The following ID1 variants were observed in gnomAD, a reference collection of about 807,000 sequenced individuals.
ID1 encodes the protein inhibitor of DNA binding 1.
A neutral mutation model predicts 11.3 loss-of-function variants in ID1; 8 were observed. That is an observed-to-expected ratio of 0.71 (90% CI 0.42 to 1.28). ID1 has a LOEUF of 1.28. Among genes scored for constraint, ID1 ranks in the 50% most tolerant of loss-of-function variants. The pLI is 0.01. For missense variants in ID1, 347 were observed against 219.8 expected, an observed-to-expected ratio of 1.58 and a Z score of -3.66; for synonymous variants, 176 against 100.2, an observed-to-expected ratio of 1.76 and a Z score of -4.52.
rs1986108804 is a variant in ID1 at position 31,606,282 on chromosome 20, T to A, written c.*188T>A. ...GGCACTGGCGAGGAGAGGGCGCTCC[T>A]CTCTGCACACCTACTAGTCACCAGA... On this transcript the variant is annotated 3_prime_UTR_variant, in exon 2 of 2. Transcript: ENST00000376112. The A allele has an allele frequency of 3.2e-6, 2 of 629,466 alleles. No homozygotes were observed. The highest frequency in any genetic ancestry group is 5.8e-6 in the Non-Finnish European group (2 of 346,744). 39.0% of individuals were successfully genotyped at this position (629,466 alleles called of 1,614,324 possible).
chr20:31,606,318 G>A lies in ID1; in HGVS notation c.*224G>A, dbSNP rs1600702207. ...CTACTAGTCACCAGAGACTTTAGGG[G>A]GTGGGATTCCACTCGTGTGTTTCTA... is the stretch of plus-strand genomic sequence containing the variant. On this transcript the variant is annotated 3_prime_UTR_variant, in exon 2 of 2. Transcript: ENST00000376112. 1 of 577,902 alleles carries A rather than the reference G, an allele frequency of 1.7e-6. No homozygotes were observed. Among genetic ancestry groups the A allele is most frequent in the Non-Finnish European group, 3.1e-6 (1 of 317,556 alleles). 35.8% of individuals were successfully genotyped at this position (577,902 alleles called of 1,614,324 possible). A position where few individuals can be genotyped will look rare whatever the true frequency, so the allele number is the denominator to read the frequency against.
At position 31,606,361 on chromosome 20, in the gene ID1, A is replaced by T. The variant is rs917719003; in HGVS notation, c.*267A>T. 12 of 549,548 alleles carry T rather than the reference A, an allele frequency of 2.2e-5. No homozygotes were observed. The highest frequency in any genetic ancestry group is 1.3e-5 in the Non-Finnish European group (4 of 302,274). The allele number at this position is 549,548 out of a possible 1,614,324, so 34.0% of individuals were successfully genotyped here. A position where few individuals can be genotyped will look rare whatever the true frequency, so the allele number is the denominator to read the frequency against. On this transcript the variant is annotated 3_prime_UTR_variant, in exon 2 of 2. Transcript: ENST00000376112. ...TGTTTCTATTTTTTGAAAAGCAGAC[A>T]TTTTAAAAAATGGTCACGTTTGGTG... is the stretch of plus-strand genomic sequence containing the variant.
In ID1 at chr20:31,606,093, G is replaced by A. The variant is rs1368708205; in HGVS notation, c.467G>A (p.Ter156=). ...GCGGACGATCGCATCTTGTGTCGCTGAAGCGCCTCCCCCAGGGACCGGCGG... is the reference window on the plus strand; with the variant it reads ...GCGGACGATCGCATCTTGTGTCGCTAAAGCGCCTCCCCCAGGGACCGGCGG... ...VPADDRILCR[*] is the part of the protein sequence containing the mutation. The change falls in exon 2 of 2, where the codon TGA becomes TAA. Residue 156 remains the stop codon, a stop_retained_variant. Transcript: ENST00000376112. 1 of 1,608,722 alleles carries A rather than the reference G, an allele frequency of 6.2e-7. No individual in the cohort carries two copies. Among genetic ancestry groups the A allele is most frequent in the Admixed American group, 1.7e-5 (1 of 60,026 alleles).
At chr20:31,605,943 A>G in intron 1 of ID1, 110 bp from the exon 2 acceptor site, 1 of 1,595,624 alleles carries the variant, frequency 6.3e-7, no homozygotes, top group Non-Finnish European at 8.5e-7. Context: ...GTGCCTAAGG[A>G]GCCTGGAAAA....
In ID1 at chr20:31,606,316, G is replaced by A; in HGVS notation, c.*222G>A. On this transcript the variant is annotated 3_prime_UTR_variant, in exon 2 of 2. Transcript: ENST00000376112. ...ACCTACTAGTCACCAGAGACTTTAG[G>A]GGGTGGGATTCCACTCGTGTGTTTC... 1.7e-6 allele frequency: 1 copy of A among 582,366 alleles called. No homozygotes were observed. Among genetic ancestry groups the A allele is most frequent in the Non-Finnish European group, 3.1e-6 (1 of 319,868 alleles). 36.1% of individuals were successfully genotyped at this position (582,366 alleles called of 1,614,324 possible). A position where few individuals can be genotyped will look rare whatever the true frequency, so the allele number is the denominator to read the frequency against.
rs1470870764 is a variant in ID1 at position 31,605,799 on chromosome 20, GC to G, written c.415del (p.Leu139Ter). 1.9e-6 allele frequency: 3 copies of G among 1,611,132 alleles called. No individual in the cohort carries two copies. In the East Asian group the frequency reaches 6.7e-5, roughly 36 times the overall value. ...PLSTLNGEIS[A>X]LTAEAACVPA... ...CAGCACCCTCAACGGCGAGATCAGCGCCCTGACGGCCGAGGTGAGATCCAGA... is the reference window on the plus strand; with the variant it reads ...CAGCACCCTCAACGGCGAGATCAGCGCCTGACGGCCGAGGTGAGATCCAGA... On this transcript the variant is annotated frameshift_variant, in exon 1 of 2. Transcript: ENST00000376112. LOFTEE classifies it high-confidence loss of function.
At chr20:31,605,961 C>G in intron 1 of ID1, 92 bp from the exon 2 acceptor site, 1 of 1,604,610 alleles carries the variant, frequency 6.2e-7, no homozygotes, top group Non-Finnish European at 8.5e-7. Context: ...AAAAGCGCTC[C>G]CCCGTCGTGC....
Position 31,605,296 on chromosome 20 carries a change from GTTCTTAACTGT to G in ID1, c.-90_-80del. 1 of 1,221,862 alleles carries G rather than the reference GTTCTTAACTGT, an allele frequency of 8.2e-7. No homozygotes were observed. The highest frequency in any genetic ancestry group is 2.2e-5 in the Admixed American group (1 of 46,068). 75.7% of individuals were successfully genotyped at this position (1,221,862 alleles called of 1,614,324 possible). A position where few individuals can be genotyped will look rare whatever the true frequency, so the allele number is the denominator to read the frequency against. ...CTGTGGCTCCGCACTCTCATTCCACGTTCTTAACTGTTCCATTTTCCGTATCTGCTTCGGGC... is the reference window on the plus strand; with the variant it reads ...CTGTGGCTCCGCACTCTCATTCCACGTCCATTTTCCGTATCTGCTTCGGGC... On this transcript the variant is annotated 5_prime_UTR_variant, in exon 1 of 2. Coordinates refer to ENST00000376112, the MANE Select transcript of ID1 (RefSeq NM_002165.4).
In ID1 at chr20:31,605,690, C is replaced by T. The variant is rs769613835; in HGVS notation, c.303C>T (p.Tyr101=). The T allele has an allele frequency of 4.3e-6, 7 of 1,611,634 alleles. No individual in the cohort carries two copies. In the African/African-American group the frequency reaches 8.0e-5, roughly 18 times the overall value. ...AGATTCTCCAGCACGTCATCGACTA[C>T]ATCAGGGACCTTCAGTTGGAGCTGA... ...KVEILQHVID[Y]IRDLQLELNS... is the part of the protein sequence containing the mutation. Residue 101 remains tyrosine (Y), a synonymous_variant, in exon 1 of 2, where the codon TAC becomes TAT. Coordinates refer to ENST00000376112, the MANE Select transcript of ID1 (RefSeq NM_002165.4).
Position 31,606,036 on chromosome 20 carries a change from T to A in ID1, c.427-17T>A. 1 of 1,612,044 alleles carries A rather than the reference T, an allele frequency of 6.2e-7. No homozygotes were observed. Among genetic ancestry groups the A allele is most frequent in the Non-Finnish European group, 8.5e-7 (1 of 1,179,984 alleles). On this transcript the variant is annotated splice_polypyrimidine_tract_variant and intron_variant, in intron 1 of 1. Coordinates refer to ENST00000376112, the MANE Select transcript of ID1 (RefSeq NM_002165.4). The stretch of plus-strand genomic sequence containing the variant: ...TCCCTTCCAACCCGCCGGTCTCATT[T>A]CTTCTCGTTTTCACAGGCGGCATGC...
Position 31,606,082 on chromosome 20 carries a change from C to T in ID1, c.456C>T (p.Ile152=), listed in dbSNP as rs978646170. Residue 152 remains isoleucine (I), a synonymous_variant, in exon 2 of 2, where the codon ATC becomes ATT. Coordinates refer to ENST00000376112, the MANE Select transcript of ID1 (RefSeq NM_002165.4). ...CATGCGTTCCTGCGGACGATCGCAT[C>T]TTGTGTCGCTGAAGCGCCTCCCCCA... ...EAACVPADDR[I]LCR is the part of the protein sequence containing the mutation. 2.2e-5 allele frequency: 35 copies of T among 1,609,140 alleles called. No homozygotes were observed. In the Admixed American group the frequency reaches 5.7e-4, roughly 26 times the overall value.
rs11545371 is a variant in ID1, at chr20:31,605,741, C to G, written c.354C>G (p.Pro118=). The change falls in exon 1 of 2, where the codon CCC becomes CCG. Residue 118 remains proline, a synonymous_variant. Coordinates refer to ENST00000376112, the MANE Select transcript of ID1 (RefSeq NM_002165.4). ...ELNSESEVGT[P]GGRGLPVRAP... ...ACTCGGAATCCGAAGTTGGAACCCC[C>G]GGGGGCCGAGGGCTGCCGGTCCGGG... 8.7e-6 allele frequency: 14 copies of G among 1,610,408 alleles called. No homozygotes were observed. The East Asian group carries it at 9.0e-5, about 10-fold the overall frequency.
In ID1 at chr20:31,605,833, A is replaced by C. The variant is rs746542494; in HGVS notation, c.426+20A>C. The C allele has an allele frequency of 1.2e-6, 2 of 1,610,140 alleles. No homozygotes were observed. ...GCCGAGGTGAGATCCAGATCCGACC[A>C]CTAGATCATCCTTATACCGACGGGG... On this transcript the variant is annotated intron_variant, in intron 1 of 1. Coordinates refer to ENST00000376112, the MANE Select transcript of ID1 (RefSeq NM_002165.4).
rs763541714 is a variant in ID1, at chr20:31,605,520, T to TGCGCCGGGG, written c.143_151dup (p.Gly48_Gly50dup). 1.8e-5 allele frequency: 29 copies of TGCGCCGGGG among 1,573,202 alleles called. No homozygotes were observed. The highest frequency in any genetic ancestry group is 9.1e-5 in the South Asian group (8 of 87,882). On this transcript the variant is annotated inframe_insertion, in exon 1 of 2. Transcript: ENST00000376112. ...TGAGCAGAGCGTGGCCATCTCGCGC[T>TGCGCCGGGG]GCGCCGGGGGCGCCGGGGCGCGCCT...
Position 31,606,118 on chromosome 20 carries a change from G to C in ID1, c.*24G>C. On this transcript the variant is annotated 3_prime_UTR_variant, in exon 2 of 2. Coordinates refer to ENST00000376112, the MANE Select transcript of ID1 (RefSeq NM_002165.4). Reference sequence around the variant, plus strand: ...GAAGCGCCTCCCCCAGGGACCGGCGGACCCCAGCCATCCAGGGGGCAAGAG... The same window carrying C: ...GAAGCGCCTCCCCCAGGGACCGGCGCACCCCAGCCATCCAGGGGGCAAGAG... The C allele has an allele frequency of 6.2e-7, 1 of 1,605,570 alleles. No individual in the cohort carries two copies. The highest frequency in any genetic ancestry group is 1.1e-5 in the South Asian group (1 of 90,962).
Position 31,605,357 on chromosome 20 carries a change from C to T in ID1, c.-31C>T, listed in dbSNP as rs376983060. ...CTTCCACCTCATTTTTTTCGCTTTG[C>T]CCATTCTGTTTCAGCCAGTCGCCAA... On this transcript the variant is annotated 5_prime_UTR_variant, in exon 1 of 2. Coordinates refer to ENST00000376112, the MANE Select transcript of ID1 (RefSeq NM_002165.4). 3.8e-6 allele frequency: 6 copies of T among 1,575,822 alleles called. No homozygotes were observed. The African/African-American group carries it at 5.5e-5, about 14-fold the overall frequency.
chr20:31,605,295 C>G lies in ID1; in HGVS notation c.-93C>G. The G allele has an allele frequency of 1.7e-6, 2 of 1,199,256 alleles. No homozygotes were observed. The highest frequency in any genetic ancestry group is 2.3e-6 in the Non-Finnish European group (2 of 861,822). 74.3% of individuals were successfully genotyped at this position (1,199,256 alleles called of 1,614,324 possible). ...GCTGTGGCTCCGCACTCTCATTCCA[C>G]GTTCTTAACTGTTCCATTTTCCGTA... On this transcript the variant is annotated 5_prime_UTR_variant, in exon 1 of 2. Coordinates refer to ENST00000376112, the MANE Select transcript of ID1 (RefSeq NM_002165.4).
In ID1 at chr20:31,605,453, C is replaced by T; in HGVS notation, c.66C>T (p.Gly22=). Reference sequence around the variant, plus strand: ...GCCCCAGCTGCGCGCTGAAGGCCGGCAAGACAGCGAGCGGTGCGGGCGAGG... The same window carrying T: ...GCCCCAGCTGCGCGCTGAAGGCCGGTAAGACAGCGAGCGGTGCGGGCGAGG... The part of the protein sequence containing the change: ...AAGPSCALKA[G]KTASGAGEVV... Residue 22 remains glycine, a synonymous_variant, in exon 1 of 2, where the codon GGC becomes GGT. Coordinates refer to ENST00000376112, the MANE Select transcript of ID1 (RefSeq NM_002165.4). 1 of 1,609,150 alleles carries T rather than the reference C, an allele frequency of 6.2e-7. No homozygotes were observed. Among genetic ancestry groups the T allele is most frequent in the Non-Finnish European group, 8.5e-7 (1 of 1,178,358 alleles).
rs1438695594 is a variant in ID1 at position 31,606,193 on chromosome 20, G to A, written c.*99G>A. 14 of 1,291,750 alleles carry A rather than the reference G, an allele frequency of 1.1e-5. No homozygotes were observed. In the Admixed American group the frequency reaches 1.5e-4, roughly 14 times the overall value. The allele number at this position is 1,291,750 out of a possible 1,614,324, so 80.0% of individuals were successfully genotyped here. A position where few individuals can be genotyped will look rare whatever the true frequency, so the allele number is the denominator to read the frequency against. ...CCCAACGCGCCTCGCCGGATCTGAG[G>A]GAGAACAAGACCGATCGGCGGCCAC... On this transcript the variant is annotated 3_prime_UTR_variant, in exon 2 of 2. Coordinates refer to ENST00000376112, the MANE Select transcript of ID1 (RefSeq NM_002165.4).
Sources: gnomAD v4.1 joint callset for allele counts on GRCh38, gnomAD v4.1.1 for gene constraint, MANE v1.5 for transcripts, NCBI Gene and HGNC (gene_info 2026-07-23, HGNC 2026-07-21) for gene names.